The following DYNC1H1 variants were observed in gnomAD, a reference collection of about 807,000 sequenced individuals.
DYNC1H1 encodes the protein dynein cytoplasmic 1 heavy chain 1.
In DYNC1H1, 51 loss-of-function variants were observed where a neutral mutation model predicts 527.1. That is an observed-to-expected ratio of 0.10 (90% confidence interval 0.08 to 0.12). DYNC1H1 has a LOEUF of 0.12. Ranked by LOEUF, DYNC1H1 falls within the 10% of genes least tolerant of loss-of-function variation. The pLI, the probability that DYNC1H1 is intolerant of heterozygous loss-of-function variation, is 1.00. For synonymous variants in DYNC1H1, 2,189 were observed against 2,278.8 expected (o/e 0.96, Z 1.12); for missense variants, 2,771 against 5,971.8 (o/e 0.46, Z 17.66).
rs938828987 is a variant in DYNC1H1, at chr14:102,017,888, C to T, written c.8177+384C>T. 2.4e-5 allele frequency: 8 copies of T among 335,526 alleles called. No individual in the cohort carries two copies. The highest frequency in any genetic ancestry group is 7.5e-5 in the South Asian group (3 of 39,944). 20.8% of individuals were successfully genotyped at this position (335,526 alleles called of 1,614,324 possible). A position where few individuals can be genotyped will look rare whatever the true frequency, so the allele number is the denominator to read the frequency against. ...TTGGGAGGCCGAAGCGGGCAGATCACGAGGTCAGGAGGTTGAGGCCATCCT... is the reference window on the plus strand; with the variant it reads ...TTGGGAGGCCGAAGCGGGCAGATCATGAGGTCAGGAGGTTGAGGCCATCCT... On this transcript the variant is annotated intron_variant, in intron 40 of 77. Coordinates refer to ENST00000360184, the MANE Select transcript of DYNC1H1 (RefSeq NM_001376.5). This position sits in a 1 kb window ranked among gnomAD's most constrained non-coding sequence, Gnocchi z 4.6.
chr14:102,007,249 G>A (rs866683248), intron 28 of DYNC1H1, 141 bp downstream of exon 28: 10 of 788,158 alleles, frequency 1.3e-5, no homozygotes, highest in Middle Eastern at 2.5e-4. Context: ...CTGTAGTAGG[G>A]ATAGGTGTTA....
In DYNC1H1 at chr14:102,018,655, C is replaced by T. The variant is rs759047028; in HGVS notation, c.8343+39C>T. 2.5e-6 allele frequency: 4 copies of T among 1,609,122 alleles called. No homozygotes were observed. The highest frequency in any genetic ancestry group is 1.3e-5 in the African/African-American group (1 of 75,014). ...CTTTGCTCTTCCAGAAATTGTTTTC[C>T]TCTCATAATTAAGGCACTCGATTGG... On this transcript the variant is annotated intron_variant, in intron 41 of 77. Coordinates refer to ENST00000360184, the MANE Select transcript of DYNC1H1 (RefSeq NM_001376.5). The surrounding 1 kb of genome is among the most constrained non-coding windows in gnomAD (Gnocchi z 5.2).
At chr14:102,000,248 A>G (rs569088495) in intron 17 of DYNC1H1, 38 bp from the exon 18 acceptor site, 31 of 1,614,082 alleles carry the variant, frequency 1.9e-5, no homozygotes, top group Admixed American at 1.7e-4. Context: ...GGTGATTTCT[A>G]TTTCCAAAGT....
In DYNC1H1 at chr14:102,027,161, C is replaced by T. The variant is rs2048460576; in HGVS notation, c.8772-13C>T. The T allele has an allele frequency of 1.9e-6, 3 of 1,612,376 alleles. No individual in the cohort carries two copies. The highest frequency in any genetic ancestry group is 2.5e-6 in the Non-Finnish European group (3 of 1,178,452). On this transcript the variant is annotated splice_polypyrimidine_tract_variant and intron_variant, in intron 44 of 77. Transcript: ENST00000360184. This position sits in a 1 kb window ranked among gnomAD's most constrained non-coding sequence, Gnocchi z 7.7. ...ATAAGCCTTAACATTGATCAGTTCT[C>T]GTAATGTTTCAGAATATTCCGTCAA...
chr14:102,035,730 A>G (rs1048514088), intron 56 of DYNC1H1: 1 of 152,254 alleles, frequency 6.6e-6, no homozygotes, highest in Non-Finnish European at 1.5e-5. Context: ...CGAGGCCACA[A>G]CTCCCACACT....
At chr14:102,050,346 C>T in intron 77 of DYNC1H1, 89 bp from the exon 78 acceptor site, 1 of 1,612,242 alleles carries the variant, frequency 6.2e-7, no homozygotes, top group Non-Finnish European at 8.5e-7. Flanking sequence ...CCAAACCTCT[C>T]CTTGCCGGGC....
Position 101,975,703 on chromosome 14 carries a change from G to T in DYNC1H1, c.257-9G>T. 1 of 1,607,402 alleles carries T rather than the reference G, an allele frequency of 6.2e-7. No individual in the cohort carries two copies. The highest frequency in any genetic ancestry group is 1.7e-5 in the Admixed American group (1 of 59,988). ...GATATTAATTTGATATATTTATTAT[G>T]ATTTGTAGAGGACGTCGGTGATGAA... On this transcript the variant is annotated splice_polypyrimidine_tract_variant and intron_variant, in intron 1 of 77. Coordinates refer to ENST00000360184, the MANE Select transcript of DYNC1H1 (RefSeq NM_001376.5).
In DYNC1H1 at chr14:102,020,611, G is replaced by T. The variant is rs111767354; in HGVS notation, c.8507+555G>T. ...TTCTCTTTTACCTGTTGCCCACTTG[G>T]ATCAATTCTTGTCTTGTAAGTTTTG... On this transcript the variant is annotated intron_variant, in intron 42 of 77. Coordinates refer to ENST00000360184, the MANE Select transcript of DYNC1H1 (RefSeq NM_001376.5). The surrounding 1 kb of genome is among the most constrained non-coding windows in gnomAD (Gnocchi z 4.3). Among the ~76,000 whole-genome samples the T allele has an allele frequency of 1.3e-4, 20 of 152,322 alleles. No individual in the cohort carries two copies. The highest frequency in any genetic ancestry group is 4.8e-4 in the African/African-American group (20 of 41,574).
Position 101,997,929 on chromosome 14 carries a change from A to T in DYNC1H1, c.3804+655A>T, listed in dbSNP as rs376651163. ...GGTGGTGCTGCTGCGACAGAAGCAG[A>T]TGAGAGGGCGCTGGCTCAGTGGCTA... On this transcript the variant is annotated intron_variant, in intron 16 of 77. Coordinates refer to ENST00000360184, the MANE Select transcript of DYNC1H1 (RefSeq NM_001376.5). This position sits in a 1 kb window ranked among gnomAD's most constrained non-coding sequence, Gnocchi z 4.8. Among the ~76,000 whole-genome samples the T allele has an allele frequency of 1.8e-4, 28 of 152,308 alleles. No individual in the cohort carries two copies. The South Asian group carries it at 5.8e-3, about 32-fold the overall frequency.
chr14:102,044,389 C>G lies in DYNC1H1; in HGVS notation c.12800C>G (p.Thr4267Ser), dbSNP rs1043455. The stretch of plus-strand genomic sequence containing the variant: ...GAGTTTGACCAGCGTCTGCTCAACA[C>G]CTTCCTGGAGCGCCTGTTCACAACC... ...DNEFDQRLLN[T>S]FLERLFTTRS... is the part of the protein sequence containing the mutation. The change falls in exon 71 of 78, where the codon ACC (threonine) becomes AGC (serine). Residue 4267 changes from threonine (T) to serine (S), a missense_variant. Physicochemically the swap from Thr to Ser is moderately conservative, Grantham distance 58. This residue lies in a region of DYNC1H1 where 195 missense variants were observed against 428.6 expected (regional missense o/e 0.45). Transcript: ENST00000360184. The surrounding 1 kb of genome is among the most constrained non-coding windows in gnomAD (Gnocchi z 7.1). 1 of 1,614,160 alleles carries G rather than the reference C, an allele frequency of 6.2e-7. No individual in the cohort carries two copies. The highest frequency in any genetic ancestry group is 8.5e-7 in the Non-Finnish European group (1 of 1,180,044).
rs780693835 is a variant in DYNC1H1 at position 101,979,690 on chromosome 14, A to C, written c.519-29A>C. ...TCTCTTTGGAGACCAATAGCACACT[A>C]AATGTTGAGGTATGAAATCTGTTTT... On this transcript the variant is annotated intron_variant, in intron 3 of 77. Transcript: ENST00000360184. This position sits in a 1 kb window ranked among gnomAD's most constrained non-coding sequence, Gnocchi z 4.6. 2 of 1,613,532 alleles carry C rather than the reference A, an allele frequency of 1.2e-6. No individual in the cohort carries two copies. Among genetic ancestry groups the C allele is most frequent in the Non-Finnish European group, 1.7e-6 (2 of 1,180,026 alleles).
chr14:102,027,796 A>G lies in DYNC1H1; in HGVS notation c.9226A>G (p.Lys3076Glu). ...CATGAACCCGTCCTCGGAGGGACTC[A>G]AGGACCGGGCAGCTACATCACCAGC... ...FTMNPSSEGL[K>E]DRAATSPALF... Residue 3076 changes from lysine to glutamate, a missense_variant, in exon 47 of 78, where the codon AAG becomes GAG. Physicochemically the swap from Lys to Glu is moderately conservative, Grantham distance 56. This residue lies in a region of DYNC1H1 where 84 missense variants were observed against 285.4 expected (regional missense o/e 0.29). Coordinates refer to ENST00000360184, the MANE Select transcript of DYNC1H1 (RefSeq NM_001376.5). This position sits in a 1 kb window ranked among gnomAD's most constrained non-coding sequence, Gnocchi z 7.7. 2 of 1,614,202 alleles carry G rather than the reference A, an allele frequency of 1.2e-6. No individual in the cohort carries two copies. The highest frequency in any genetic ancestry group is 1.7e-6 in the Non-Finnish European group (2 of 1,180,038).
At position 101,979,889 on chromosome 14, in the gene DYNC1H1, C is replaced by G; in HGVS notation, c.689C>G (p.Thr230Arg). 4 of 1,614,220 alleles carry G rather than the reference C, an allele frequency of 2.5e-6. No individual in the cohort carries two copies. In the South Asian group the frequency reaches 4.4e-5, roughly 18 times the overall value. Reference protein sequence around the residue: ...CYERGEKPKVTDFGDKVEDPT... With the variant: ...CYERGEKPKVRDFGDKVEDPT... ...GAGCGTGGAGAAAAGCCAAAAGTTA[C>G]AGACTTTGGTGATAAGGTTGAAGAC... Residue 230 changes from threonine (T) to arginine (R), a missense_variant, in exon 4 of 78, where the codon ACA becomes AGA. Around this residue, in one of 32 missense-constraint regions of DYNC1H1, gnomAD observed 146 missense variants for 288.1 expected, o/e 0.51. Transcript: ENST00000360184. This position sits in a 1 kb window ranked among gnomAD's most constrained non-coding sequence, Gnocchi z 4.6.
At position 102,039,983 on chromosome 14, in the gene DYNC1H1, G is replaced by A. The variant is rs554905754; in HGVS notation, c.11690+251G>A. Among the ~76,000 whole-genome samples, 103 of 152,214 alleles carry A rather than the reference G, an allele frequency of 6.8e-4. No homozygotes were observed. The highest frequency in any genetic ancestry group is 2.0e-3 in the Admixed American group (31 of 15,282). Reference sequence around the variant, plus strand: ...CTCCGAAGTAGCTAGGACTATAGGCGCAGGCCACCACATCTGGCTAATTTT... The same window carrying A: ...CTCCGAAGTAGCTAGGACTATAGGCACAGGCCACCACATCTGGCTAATTTT... On this transcript the variant is annotated intron_variant, in intron 62 of 77. Coordinates refer to ENST00000360184, the MANE Select transcript of DYNC1H1 (RefSeq NM_001376.5). The surrounding 1 kb of genome is among the most constrained non-coding windows in gnomAD (Gnocchi z 7.0).
In DYNC1H1 at chr14:102,039,772, G is replaced by A. The variant is rs1242085105; in HGVS notation, c.11690+40G>A. The A allele has an allele frequency of 3.1e-6, 5 of 1,605,086 alleles. No homozygotes were observed. Among genetic ancestry groups the A allele is most frequent in the South Asian group, 1.1e-5 (1 of 90,876 alleles). On this transcript the variant is annotated intron_variant, in intron 62 of 77. Coordinates refer to ENST00000360184, the MANE Select transcript of DYNC1H1 (RefSeq NM_001376.5). The surrounding 1 kb of genome is among the most constrained non-coding windows in gnomAD (Gnocchi z 7.0). Reference sequence around the variant, plus strand: ...GCCCACAGGAGGATGCCATATTGCTGGTGGCCCCCAAGGGTTTCATGATCA... The same window carrying A: ...GCCCACAGGAGGATGCCATATTGCTAGTGGCCCCCAAGGGTTTCATGATCA...
At chr14:101,989,430 C>T (rs1034578878) in intron 10 of DYNC1H1, among the ~76,000 whole-genome samples, 2 of 152,218 alleles carry the variant, frequency 1.3e-5, no homozygotes, top group East Asian at 1.9e-4. Context: ...ATCTCTTTCG[C>T]ATTTGTGTGG....
rs944440277 is a variant in DYNC1H1 at position 101,965,017 on chromosome 14, G to C, written c.256+70G>C. 2.0e-6 allele frequency: 3 copies of C among 1,497,832 alleles called. No individual in the cohort carries two copies. The South Asian group carries it at 3.7e-5, about 18-fold the overall frequency. The allele number at this position is 1,497,832 out of a possible 1,614,324, so 92.8% of individuals were successfully genotyped here. On this transcript the variant is annotated intron_variant, in intron 1 of 77. Transcript: ENST00000360184. This position sits in a 1 kb window ranked among gnomAD's most constrained non-coding sequence, Gnocchi z 4.1. ...GAATGCAGGGCCTGCCAGGTCCTCC[G>C]GGGTCGCAGATGTCCCCGGGATGGG...
intron 1 of DYNC1H1, among the ~76,000 whole-genome samples, chr14:101,973,933 A>T (rs921522921): frequency 3.3e-5 from 5 of 152,182 alleles, no homozygotes; most frequent in Non-Finnish European, 5.9e-5. Flanking sequence ...TTTAGTGCTT[A>T]ATGAAACCTT....
chr14:101,977,958 C>T (rs745600016), intron 2 of DYNC1H1, among the ~76,000 whole-genome samples: 4 of 152,242 alleles, frequency 2.6e-5, no homozygotes, highest in South Asian at 2.1e-4. Flanking sequence ...GCAATCTTAG[C>T]TCACTGCAGC....
Sources: gnomAD v4.1 joint callset for allele counts (sites outside exome capture counted in the v4.1 genomes callset) on GRCh38, gnomAD v4.1.1 for gene constraint, gnomAD v4.1.1 regional missense constraint, Gnocchi (gnomAD v3.1) non-coding constraint, MANE v1.5 for transcripts, NCBI Gene and HGNC (gene_info 2026-07-23, HGNC 2026-07-21) for gene names.